The following CPED1 variants were observed in gnomAD, a reference collection of about 807,000 sequenced individuals.
The protein encoded by CPED1 is cadherin-like and PC-esterase domain-containing protein 1.
Under a neutral mutation model 128.2 loss-of-function variants are expected in CPED1, and 114 were observed. The observed-to-expected ratio is 0.89, with a 90% confidence interval of 0.76 to 1.04. The LOEUF is 1.04. Among genes scored for constraint, CPED1 ranks in the 50% least tolerant of loss-of-function variants. CPED1 has a pLI of 0.00. For synonymous variants in CPED1, 462 were observed against 426.7 expected (o/e 1.08, Z -1.02); for missense variants, 1,211 against 1,207.1 (o/e 1.00, Z -0.05).
chr7:121,069,130 G>A (rs12535062), intron 5 of CPED1, among the ~76,000 whole-genome samples: 3,313 of 152,124 alleles, frequency 0.022, 125 homozygotes, highest in African/African-American at 0.075. Flanking sequence ...TGAAAAGCTA[G>A]TTCAGAACAA....
At chr7:121,031,478 G>A (rs1207825811) in intron 3 of CPED1, among the ~76,000 whole-genome samples, 1 of 152,018 alleles carries the variant, frequency 6.6e-6, no homozygotes, top group African/African-American at 2.4e-5. Context: ...AGTGGAGATG[G>A]GGTTTCACCA....
Position 121,151,978 on chromosome 7 carries a change from T to A in CPED1, c.2055+9837T>A, listed in dbSNP as rs139581760. On this transcript the variant is annotated intron_variant, in intron 16 of 22. Coordinates refer to ENST00000310396, the MANE Select transcript of CPED1 (RefSeq NM_024913.5). ...ACTAACTACAGGCTGGTTTGATATA[T>A]GTTCCCTGAAGACAGAATTAGGACA... 2.7e-3 allele frequency among the ~76,000 whole-genome samples: 415 copies of A among 152,342 alleles called. 3 individuals carry two copies. The highest frequency in any genetic ancestry group is 9.4e-3 in the African/African-American group (390 of 41,572).
chr7:121,023,760 G>T (rs1343746433), intron 3 of CPED1, among the ~76,000 whole-genome samples: 1 of 152,084 alleles, frequency 6.6e-6, no homozygotes, highest in Non-Finnish European at 1.5e-5. Flanking sequence ...AGAGCCTAAT[G>T]AACTTCTCTT....
chr7:121,189,798 A>ATATATATATAT (rs869279165), intron 16 of CPED1, among the ~76,000 whole-genome samples: 40 of 50,404 alleles, frequency 7.9e-4, no homozygotes, highest in African/African-American at 8.7e-4. Flanking sequence ...ATATATATAT[A>ATATATATATAT]AAATTTGTAT....
intron 5 of CPED1, among the ~76,000 whole-genome samples, chr7:121,073,443 T>C (rs1489352289): frequency 6.6e-6 from 1 of 152,142 alleles, no homozygotes; most frequent in African/African-American, 2.4e-5. Context: ...TTACAAAGTA[T>C]ATCATAATTT....
At chr7:121,191,146 A>G (rs1797127902) in intron 16 of CPED1, among the ~76,000 whole-genome samples, 1 of 152,164 alleles carries the variant, frequency 6.6e-6, no homozygotes, top group Admixed American at 6.6e-5. Flanking sequence ...TTGGGGGAAA[A>G]AAGTAAAAGA....
At chr7:121,137,565 G>A (rs6952113) in intron 14 of CPED1, among the ~76,000 whole-genome samples, 51,088 of 151,856 alleles carry the variant, frequency 0.34, 8,965 homozygotes, top group Middle Eastern at 0.49. Flanking sequence ...TATCACTATT[G>A]TTAAGGTCAT....
intron 15 of CPED1, 129 bp from the exon 16 acceptor site, chr7:121,141,844 T>G (rs1795911411): frequency 3.2e-6 from 2 of 630,968 alleles, no homozygotes; most frequent in South Asian, 6.5e-5. Context: ...AGGTTTCTTA[T>G]GAAATTGTAC....
intron 3 of CPED1, among the ~76,000 whole-genome samples, chr7:121,022,150 T>C (rs1792456451): frequency 6.6e-6 from 1 of 151,980 alleles, no homozygotes; most frequent in Admixed American, 6.6e-5. Context: ...ATATGATAAA[T>C]ATTTATTAAA....
At chr7:121,114,978 T>C (rs147171194) in intron 7 of CPED1, among the ~76,000 whole-genome samples, 43 of 152,364 alleles carry the variant, frequency 2.8e-4, no homozygotes, top group Middle Eastern at 3.4e-3. Context: ...TGGTTTTATA[T>C]GCTGACTTGG....
rs1585006995 is a variant in CPED1 at position 120,996,661 on chromosome 7, T to C, written c.249+6791T>C. Reference sequence around the variant, plus strand: ...TATTATAATTTTAGTAAATATCACATGAGCACAGCCCTTATGGCTATGTAA... The same window carrying C: ...TATTATAATTTTAGTAAATATCACACGAGCACAGCCCTTATGGCTATGTAA... On this transcript the variant is annotated intron_variant, in intron 2 of 22. Transcript: ENST00000310396. Among the ~76,000 whole-genome samples, 2 of 152,320 alleles carry C rather than the reference T, an allele frequency of 1.3e-5. 1 individual carries two copies. The highest frequency in any genetic ancestry group is 4.1e-4 in the South Asian group (2 of 4,828).
intron 2 of CPED1, among the ~76,000 whole-genome samples, chr7:121,008,002 C>CT (rs982118316): frequency 1.6e-4 from 24 of 151,502 alleles, no homozygotes; most frequent in African/African-American, 4.1e-4. Flanking sequence ...TTCTTTACCT[C>CT]TTTTTTTTAA....
intron 22 of CPED1, among the ~76,000 whole-genome samples, chr7:121,276,312 T>G (rs1421870197): frequency 6.6e-6 from 1 of 152,116 alleles, no homozygotes; most frequent in East Asian, 1.9e-4. Context: ...TCCAGCCCTT[T>G]CACGACCCTT....
chr7:121,143,330 T>C (rs1418010797), intron 16 of CPED1, among the ~76,000 whole-genome samples: 3 of 152,142 alleles, frequency 2.0e-5, no homozygotes, highest in South Asian at 2.1e-4. Flanking sequence ...ACCTCTAATA[T>C]AGTAATTTAA....
At chr7:121,278,157 TAAGAA>T (rs1284068743) in intron 22 of CPED1, among the ~76,000 whole-genome samples, 3 of 151,838 alleles carry the variant, frequency 2.0e-5, no homozygotes, top group Admixed American at 6.6e-5. Flanking sequence ...CAAATAAAAA[TAAGAA>T]AAGGGTAAAA....
At chr7:121,064,095 T>C (rs1051086560) in intron 4 of CPED1, 143 bp from the exon 5 acceptor site, 3 of 539,798 alleles carry the variant, frequency 5.6e-6, no homozygotes, top group Non-Finnish European at 3.4e-6. Context: ...ATTTGCATGT[T>C]GACTTGCAGA....
intron 16 of CPED1, among the ~76,000 whole-genome samples, chr7:121,193,525 G>C (rs1332673852): frequency 6.6e-6 from 1 of 151,810 alleles, no homozygotes; most frequent in East Asian, 1.9e-4. Flanking sequence ...TTCTTTAATT[G>C]CTTCTTCTCA....
chr7:121,166,759 T>C (rs1402705999), intron 16 of CPED1, among the ~76,000 whole-genome samples: 1 of 152,138 alleles, frequency 6.6e-6, no homozygotes, highest in East Asian at 1.9e-4. Context: ...ATATATACAG[T>C]AGGCTATGGC....
chr7:121,064,445 C>G, intron 5 of CPED1, 132 bp downstream of exon 5: 1 of 638,350 alleles, frequency 1.6e-6, no homozygotes, highest in Non-Finnish European at 2.8e-6. Flanking sequence ...ACAGATCTTC[C>G]GCAGTTCACA....
Sources: gnomAD v4.1 joint callset for allele counts (sites outside exome capture counted in the v4.1 genomes callset) on GRCh38, gnomAD v4.1.1 for gene constraint, MANE v1.5 for transcripts, NCBI Gene and HGNC (gene_info 2026-07-23, HGNC 2026-07-21) for gene names.